Variants in NSRP1 observed in about 807,000 individuals in gnomAD.
NSRP1 encodes the protein coiled-coil domain containing 55.
A neutral mutation model predicts 54.7 loss-of-function variants in NSRP1; 24 were observed. The ratio of observed to expected loss-of-function variants is 0.44; its 90% confidence interval spans 0.32 to 0.62. The LOEUF is 0.62. NSRP1 is among the 20% of genes least tolerant of loss of function. The probability of loss-of-function intolerance (pLI) is 0.06; values close to 1 mark genes in which losing one functional copy is unlikely to be tolerated. For missense variants in NSRP1, 596 were observed against 651.2 expected, an observed-to-expected ratio of 0.92 and a Z score of 0.92; for synonymous variants, 210 against 213.8, an observed-to-expected ratio of 0.98 and a Z score of 0.15.
At chr17:30,135,402 G>A (rs1157817886) in intron 2 of NSRP1, among the ~76,000 whole-genome samples, 2 of 152,006 alleles carry the variant, frequency 1.3e-5, no homozygotes, top group African/African-American at 4.8e-5. Context: ...TGGAACTGTA[G>A]GTGTGAGCCA....
chr17:30,163,745 G>A (rs1031475474), intron 2 of NSRP1, among the ~76,000 whole-genome samples: 2 of 141,126 alleles, frequency 1.4e-5, no homozygotes, highest in African/African-American at 2.6e-5. Flanking sequence ...GCAGTGGCAC[G>A]ATCTCAGCTC....
chr17:30,117,039 G>C, intron 1 of NSRP1, 176 bp downstream of exon 1: 1 of 879,290 alleles, frequency 1.1e-6, no homozygotes, highest in Non-Finnish European at 1.9e-6. Context: ...ACATTTTCCC[G>C]GATGGAAGCC....
At chr17:30,183,177 G>A (rs1833959996) in intron 6 of NSRP1, among the ~76,000 whole-genome samples, 1 of 151,122 alleles carries the variant, frequency 6.6e-6, no homozygotes. Flanking sequence ...AGATGATTAT[G>A]CCATAATTAT....
At position 30,185,268 on chromosome 17, in the gene NSRP1, G is replaced by A. The variant is rs1193536277; in HGVS notation, c.1271G>A (p.Arg424Lys). 1 of 1,600,268 alleles carries A rather than the reference G, an allele frequency of 6.2e-7. No individual in the cohort carries two copies. The highest frequency in any genetic ancestry group is 8.5e-7 in the Non-Finnish European group (1 of 1,174,614). Residue 424 changes from arginine (R) to lysine (K), a missense_variant, in exon 7 of 7, where the codon AGG (arginine) becomes AAG (lysine). Coordinates refer to ENST00000247026, the MANE Select transcript of NSRP1 (RefSeq NM_032141.4). ...GCAAAGGAAGAGCATATGAAAGTAA[G>A]GAAGGAAAGATATGAAAATAATGAT... ...SKAKEEHMKVRKERYENNDKY... is the reference protein window; with the variant it reads ...SKAKEEHMKVKKERYENNDKY...
chr17:30,118,799 A>C (rs2071569214), intron 2 of NSRP1, among the ~76,000 whole-genome samples: 1 of 144,164 alleles, frequency 6.9e-6, no homozygotes, highest in African/African-American at 2.6e-5. Flanking sequence ...CCCAGGCTGG[A>C]GTGCAATGCC....
intron 2 of NSRP1, among the ~76,000 whole-genome samples, chr17:30,167,608 T>TA (rs910263656): frequency 1.6e-4 from 23 of 147,256 alleles, no homozygotes; most frequent in South Asian, 4.3e-4. Context: ...GACTCTGTCT[T>TA]AAAAAAAAAA....
At chr17:30,135,720 TC>T (rs1199174801) in intron 2 of NSRP1, among the ~76,000 whole-genome samples, 1 of 151,154 alleles carries the variant, frequency 6.6e-6, no homozygotes, top group African/African-American at 2.4e-5. Flanking sequence ...GTGACCCGCC[TC>T]GGCCTCCCAA....
At chr17:30,151,472 A>G (rs2071909372) in intron 2 of NSRP1, among the ~76,000 whole-genome samples, 1 of 152,230 alleles carries the variant, frequency 6.6e-6, no homozygotes, top group Non-Finnish European at 1.5e-5. Context: ...AAATGTTATT[A>G]GGAAAATCAT....
intron 2 of NSRP1, among the ~76,000 whole-genome samples, chr17:30,167,085 C>T (rs546027493): frequency 6.8e-4 from 103 of 152,284 alleles, no homozygotes; most frequent in Middle Eastern, 3.4e-3. Context: ...CACTCTACCT[C>T]CATGTGATCA....
intron 6 of NSRP1, among the ~76,000 whole-genome samples, chr17:30,182,710 G>A (rs750266669): frequency 5.9e-5 from 9 of 152,040 alleles, no homozygotes; most frequent in East Asian, 1.9e-4. Flanking sequence ...CAAGGCGGGC[G>A]GATTGCGAGG....
chr17:30,138,731 T>C (rs2071771699), intron 2 of NSRP1, among the ~76,000 whole-genome samples: 1 of 151,908 alleles, frequency 6.6e-6, no homozygotes, highest in Non-Finnish European at 1.5e-5. Flanking sequence ...TGTTTAAGTT[T>C]TTGAGGACTG....
chr17:30,178,805 AT>A (rs1051629871), intron 4 of NSRP1, among the ~76,000 whole-genome samples: 24 of 151,480 alleles, frequency 1.6e-4, no homozygotes, highest in Non-Finnish European at 2.1e-4. Flanking sequence ...AACTTTTCTG[AT>A]TTTTTTTTAA....
intron 6 of NSRP1, among the ~76,000 whole-genome samples, chr17:30,182,681 T>A (rs963370172): frequency 2.0e-5 from 3 of 151,044 alleles, no homozygotes; most frequent in African/African-American, 7.3e-5. Context: ...ATGCCTATAA[T>A]CCCAGCACTT....
intron 4 of NSRP1, 138 bp downstream of exon 4, chr17:30,178,337 A>T (rs1432338228): frequency 1.2e-6 from 1 of 862,260 alleles, no homozygotes; most frequent in Non-Finnish European, 1.7e-6. Context: ...CAGATATTAC[A>T]AATTTGATTG....
At chr17:30,153,356 A>C (rs2071931923) in intron 2 of NSRP1, among the ~76,000 whole-genome samples, 1 of 151,944 alleles carries the variant, frequency 6.6e-6, no homozygotes. Context: ...TTCTTTTCCT[A>C]GTTTGAAATG....
In NSRP1 at chr17:30,170,130, G is replaced by A. The variant is rs372209651; in HGVS notation, c.115-2412G>A. 2.6e-5 allele frequency among the ~76,000 whole-genome samples: 4 copies of A among 152,018 alleles called. No homozygotes were observed. In the East Asian group the frequency reaches 7.7e-4, roughly 29 times the overall value. On this transcript the variant is annotated intron_variant, in intron 2 of 6. Transcript: ENST00000247026. ...TTTATTTTGGCTTTTTTAAAAAGAT[G>A]TAATTCACATAGCATAAAATTCATG...
chr17:30,136,717 G>A (rs1401732593), intron 2 of NSRP1, among the ~76,000 whole-genome samples: 1 of 152,064 alleles, frequency 6.6e-6, no homozygotes, highest in Non-Finnish European at 1.5e-5. Context: ...TTATAGTTGA[G>A]GAAACAGGCA....
At chr17:30,118,749 CTTTTTT>C (rs570877718) in intron 2 of NSRP1, among the ~76,000 whole-genome samples, 2 of 138,608 alleles carry the variant, frequency 1.4e-5, no homozygotes, top group African/African-American at 5.3e-5. Flanking sequence ...TTTCTTTTCT[CTTTTTT>C]TTTTTTTTTT....
chr17:30,172,692 G>C, intron 3 of NSRP1, 94 bp downstream of exon 3: 1 of 924,740 alleles, frequency 1.1e-6, no homozygotes, highest in Middle Eastern at 2.2e-4. Context: ...GACTAAAACA[G>C]AATAGATTTA....
Sources: allele counts gnomAD v4.1 joint callset (sites outside exome capture counted in the v4.1 genomes callset), GRCh38; gene constraint gnomAD v4.1.1; transcripts MANE v1.5; gene names NCBI Gene and HGNC (gene_info 2026-07-23, HGNC 2026-07-21).